The following USP13 variants were observed in gnomAD, a reference collection of about 807,000 sequenced individuals.
The protein encoded by USP13 is ubiquitin specific peptidase 13.
A neutral mutation model predicts 107.8 loss-of-function variants in USP13; 68 were observed. That is an observed-to-expected ratio of 0.63 (90% confidence interval 0.52 to 0.77). USP13 has a LOEUF of 0.77. Among genes scored for constraint, USP13 ranks in the 30% least tolerant of loss-of-function variants. USP13 has a pLI of 0.00. For missense variants in USP13, 945 were observed against 1,093.3 expected (o/e 0.86, Z 1.91); for synonymous variants, 377 against 389.5 (o/e 0.97, Z 0.38).
At chr3:179,692,554 A>G (rs6776063) in intron 3 of USP13, among the ~76,000 whole-genome samples, 3,168 of 152,342 alleles carry the variant, frequency 0.021, 124 homozygotes, top group African/African-American at 0.073. Context: ...AAATTATTGA[A>G]TATCTTCTGA....
At chr3:179,715,453 C>T (rs1175104945) in intron 6 of USP13, among the ~76,000 whole-genome samples, 1 of 151,520 alleles carries the variant, frequency 6.6e-6, no homozygotes, top group Non-Finnish European at 1.5e-5. Flanking sequence ...CAACCTCCGC[C>T]TCCTGGGTTC....
intron 15 of USP13, among the ~76,000 whole-genome samples, chr3:179,755,557 C>T (rs980274633): frequency 6.6e-6 from 1 of 152,216 alleles, no homozygotes; most frequent in Non-Finnish European, 1.5e-5. Context: ...CTCAGCCTCC[C>T]AAAGTGTTGG....
intron 5 of USP13, among the ~76,000 whole-genome samples, chr3:179,708,164 G>A (rs1387696272): frequency 6.6e-6 from 1 of 152,130 alleles, no homozygotes; most frequent in Non-Finnish European, 1.5e-5. Flanking sequence ...GAGTTTTAAG[G>A]AAATGAACTC....
rs1202238754 is a variant in USP13, at chr3:179,781,654, A to G, written c.2414-85A>G. 9 of 1,160,390 alleles carry G rather than the reference A, an allele frequency of 7.8e-6. No individual in the cohort carries two copies. The East Asian group carries it at 2.1e-4, about 27-fold the overall frequency. The allele number at this position is 1,160,390 out of a possible 1,614,324, so 71.9% of individuals were successfully genotyped here. A position where few individuals can be genotyped will look rare whatever the true frequency, so the allele number is the denominator to read the frequency against. ...CAAATCTAAACAGTTGCTGGATTAT[A>G]CTATGGTTGGTTTTAAATTCTAACC... is the stretch of plus-strand genomic sequence containing the variant. On this transcript the variant is annotated intron_variant, in intron 19 of 20. Coordinates refer to ENST00000263966, the MANE Select transcript of USP13 (RefSeq NM_003940.3).
chr3:179,659,576 T>C (rs907637804), intron 1 of USP13, among the ~76,000 whole-genome samples: 5 of 152,156 alleles, frequency 3.3e-5, no homozygotes, highest in African/African-American at 1.2e-4. Flanking sequence ...TTCTAATTAT[T>C]GCATATATTA....
chr3:179,742,381 G>A lies in USP13; in HGVS notation c.1534+31G>A, dbSNP rs1714237016. ...AATTCCAAAGCGGGAAATTGGTACT[G>A]TGTGTCTTCATATGGGAAAACCCTC... is the stretch of plus-strand genomic sequence containing the variant. On this transcript the variant is annotated intron_variant, in intron 12 of 20. Transcript: ENST00000263966. This position sits in a 1 kb window ranked among gnomAD's most constrained non-coding sequence, Gnocchi z 5.0. 1 of 1,613,012 alleles carries A rather than the reference G, an allele frequency of 6.2e-7. No homozygotes were observed. Among genetic ancestry groups the A allele is most frequent in the Non-Finnish European group, 8.5e-7 (1 of 1,179,182 alleles).
At chr3:179,745,407 G>A (rs559049064) in intron 13 of USP13, among the ~76,000 whole-genome samples, 190 bp downstream of exon 13, 1 of 152,208 alleles carries the variant, frequency 6.6e-6, no homozygotes, top group Admixed American at 6.5e-5. Flanking sequence ...CAATAAAACA[G>A]GCCTGTGATT....
chr3:179,656,659 C>T (rs1336556038), intron 1 of USP13, among the ~76,000 whole-genome samples: 2 of 152,180 alleles, frequency 1.3e-5, no homozygotes, highest in Non-Finnish European at 2.9e-5. Context: ...CTGTAATGCA[C>T]CTTCCCAGTG....
chr3:179,772,987 G>C (rs1715387321), intron 19 of USP13, among the ~76,000 whole-genome samples: 1 of 152,148 alleles, frequency 6.6e-6, no homozygotes. Context: ...TTCTCAGAGA[G>C]GGCATGAGGG....
chr3:179,776,114 A>G (rs977208573), intron 19 of USP13, among the ~76,000 whole-genome samples: 1 of 152,202 alleles, frequency 6.6e-6, no homozygotes, highest in Non-Finnish European at 1.5e-5. Context: ...CATCCAAACT[A>G]TATCAAGTAG....
At position 179,788,589 on chromosome 3, in the gene USP13, T is replaced by C. The variant is rs2108565069; in HGVS notation, c.*4448T>C. 6.6e-6 allele frequency: 1 copy of C among 152,338 alleles called. No individual in the cohort carries two copies. The highest frequency in any genetic ancestry group is 1.9e-4 in the East Asian group (1 of 5,190). 9.4% of individuals were successfully genotyped at this position (152,338 alleles called of 1,614,324 possible). A position where few individuals can be genotyped will look rare whatever the true frequency, so the allele number is the denominator to read the frequency against. ...TATTGATAACATGCTGAAATGACACTATTTTGGATGTACTAAGTAAAATAT... is the reference window on the plus strand; with the variant it reads ...TATTGATAACATGCTGAAATGACACCATTTTGGATGTACTAAGTAAAATAT... On this transcript the variant is annotated 3_prime_UTR_variant, in exon 21 of 21. Transcript: ENST00000263966.
intron 6 of USP13, among the ~76,000 whole-genome samples, chr3:179,712,796 A>G (rs2108486898): frequency 6.6e-6 from 1 of 152,272 alleles, no homozygotes; most frequent in African/African-American, 2.4e-5. Flanking sequence ...AAACAGTTGT[A>G]ATAATTTACA....
chr3:179,733,275 G>T (rs1325546643), intron 10 of USP13, among the ~76,000 whole-genome samples: 1 of 152,202 alleles, frequency 6.6e-6, no homozygotes, highest in Non-Finnish European at 1.5e-5. Flanking sequence ...GGCAGGGAGG[G>T]CCCATCCAGC....
chr3:179,660,706 A>G (rs192559507), intron 1 of USP13, among the ~76,000 whole-genome samples: 1 of 152,246 alleles, frequency 6.6e-6, no homozygotes, highest in East Asian at 1.9e-4. Context: ...TTGTAGGGAG[A>G]AAAAAAAGTT....
At chr3:179,774,771 C>T (rs867481668) in intron 19 of USP13, among the ~76,000 whole-genome samples, 1 of 152,234 alleles carries the variant, frequency 6.6e-6, no homozygotes, top group South Asian at 2.1e-4. Context: ...TCTGACCCCA[C>T]CCACATCCTG....
chr3:179,787,131 T>C lies in USP13; in HGVS notation c.*2990T>C, dbSNP rs1188008895. On this transcript the variant is annotated 3_prime_UTR_variant, in exon 21 of 21. Coordinates refer to ENST00000263966, the MANE Select transcript of USP13 (RefSeq NM_003940.3). ...TTTTGGAATTGACCAGGCTGCTTTC[T>C]CCTACCTGCAAGAGAATGTGCCTGA... is the stretch of plus-strand genomic sequence containing the variant. 2.6e-5 allele frequency: 4 copies of C among 152,352 alleles called. No individual in the cohort carries two copies. The East Asian group carries it at 7.7e-4, about 29-fold the overall frequency. 9.4% of individuals were successfully genotyped at this position (152,352 alleles called of 1,614,324 possible). A position where few individuals can be genotyped will look rare whatever the true frequency, so the allele number is the denominator to read the frequency against.
At chr3:179,659,296 A>G (rs546370577) in intron 1 of USP13, among the ~76,000 whole-genome samples, 24 of 152,214 alleles carry the variant, frequency 1.6e-4, no homozygotes, top group Admixed American at 3.3e-4. Context: ...CCTTTCTTCC[A>G]CAAGTATTTA....
In USP13 at chr3:179,730,277, T is replaced by C; in HGVS notation, c.1160+17T>C. 2 of 1,468,620 alleles carry C rather than the reference T, an allele frequency of 1.4e-6. No individual in the cohort carries two copies. The highest frequency in any genetic ancestry group is 2.8e-5 in the African/African-American group (1 of 35,440). 91.0% of individuals were successfully genotyped at this position (1,468,620 alleles called of 1,614,324 possible). ...CACACAGATGTAAGTGCCAGATTTGTATTTTTTTTTTTCTAGAAAAAGCAT... is the reference window on the plus strand; with the variant it reads ...CACACAGATGTAAGTGCCAGATTTGCATTTTTTTTTTTCTAGAAAAAGCAT... On this transcript the variant is annotated intron_variant, in intron 9 of 20. Coordinates refer to ENST00000263966, the MANE Select transcript of USP13 (RefSeq NM_003940.3).
Position 179,742,218 on chromosome 3 carries a change from A to G in USP13, c.1402A>G (p.Asn468Asp). 2 of 1,614,218 alleles carry G rather than the reference A, an allele frequency of 1.2e-6. No individual in the cohort carries two copies. Among genetic ancestry groups the G allele is most frequent in the Middle Eastern group, 1.6e-4 (1 of 6,062 alleles). ...LVERNRIGSE[N>D]PSDVFRFLVE... ...TCAGAGGAACCGCATCGGCTCAGAAAACCCAAGCGATGTTTTTCGTTTTTT... is the reference window on the plus strand; with the variant it reads ...TCAGAGGAACCGCATCGGCTCAGAAGACCCAAGCGATGTTTTTCGTTTTTT... Residue 468 changes from asparagine to aspartate, a missense_variant, in exon 12 of 21, where the codon AAC (asparagine) becomes GAC (aspartate). Asn to Asp is a conservative substitution (Grantham distance 23). Coordinates refer to ENST00000263966, the MANE Select transcript of USP13 (RefSeq NM_003940.3). The surrounding 1 kb of genome is among the most constrained non-coding windows in gnomAD (Gnocchi z 5.0).
Sources: allele counts gnomAD v4.1 joint callset (sites outside exome capture counted in the v4.1 genomes callset), GRCh38; gene constraint gnomAD v4.1.1; non-coding constraint Gnocchi (gnomAD v3.1); transcripts MANE v1.5; gene names NCBI Gene and HGNC (gene_info 2026-07-23, HGNC 2026-07-21).